Variants in GRIA3 observed in about 807,000 individuals in gnomAD.
GRIA3 encodes the protein glutamate receptor 3.
Under a neutral mutation model 63.0 loss-of-function variants are expected in GRIA3, and 3 were observed. That is an observed-to-expected ratio of 0.05 (90% CI 0.02 to 0.12). GRIA3 has a LOEUF of 0.12. GRIA3 is among the 10% of genes least tolerant of loss of function. The pLI, the probability that GRIA3 is intolerant of heterozygous loss-of-function variation, is 1.00. For missense variants in GRIA3, 347 were observed against 700.9 expected, an observed-to-expected ratio of 0.50 and a Z score of 5.70; for synonymous variants, 274 against 257.9, an observed-to-expected ratio of 1.06 and a Z score of -0.60.
intron 2 of GRIA3, among the ~76,000 whole-genome samples, chrX:123,224,434 C>T (rs2147267022): frequency 8.9e-6 from 1 of 111,814 alleles, no homozygotes; most frequent in African/African-American, 3.2e-5. Flanking sequence ...TCTATTATTT[C>T]AGTCGCTACA....
chrX:123,484,916 T>C (rs929077442), intron 15 of GRIA3, among the ~76,000 whole-genome samples: 1 of 112,925 alleles, frequency 8.9e-6, no homozygotes, highest in Non-Finnish European at 1.9e-5. Flanking sequence ...AGTTGCTGGT[T>C]GTTCCTTCTT....
In GRIA3 at chrX:123,435,056, AC is replaced by A. The variant is rs929654805; in HGVS notation, c.2076+6919del. 2.7e-5 allele frequency among the ~76,000 whole-genome samples: 3 copies of A among 112,334 alleles called. No individual in the cohort carries two copies. The Admixed American group carries it at 2.8e-4, about 11-fold the overall frequency. On this transcript the variant is annotated intron_variant, in intron 12 of 15. Transcript: ENST00000620443. ...ATCTTTTGCCAAATTACCTGAAAAT[AC>A]CTAGACAGGCTTTTTCACCATATTT... is the stretch of plus-strand genomic sequence containing the variant.
intron 4 of GRIA3, among the ~76,000 whole-genome samples, chrX:123,342,872 T>C (rs1170236568): frequency 9.0e-6 from 1 of 111,508 alleles, no homozygotes; most frequent in East Asian, 2.8e-4. Flanking sequence ...ATAATAATGG[T>C]AGGTACTCAG....
chrX:123,197,306 C>T (rs1391502111), intron 2 of GRIA3, among the ~76,000 whole-genome samples: 1 of 111,987 alleles, frequency 8.9e-6, no homozygotes, highest in African/African-American at 3.3e-5. Context: ...CCGGAGATCA[C>T]CTGAGGTCAG....
chrX:123,299,635 C>T (rs1011622305), intron 3 of GRIA3, among the ~76,000 whole-genome samples: 2 of 111,358 alleles, frequency 1.8e-5, no homozygotes, highest in East Asian at 2.8e-4. Context: ...GGGGCTGAGA[C>T]TATGGAATTT....
chrX:123,185,696 C>T, intron 1 of GRIA3, 136 bp from the exon 2 acceptor site: 1 of 544,089 alleles, frequency 1.8e-6, no homozygotes, highest in Non-Finnish European at 3.2e-6. Context: ...TTGAAAGACA[C>T]ACAGGTTGAA....
intron 2 of GRIA3, among the ~76,000 whole-genome samples, chrX:123,199,598 T>C (rs762975650): frequency 9.0e-6 from 1 of 111,695 alleles, no homozygotes; most frequent in Non-Finnish European, 1.9e-5. Context: ...TTTCCAACTT[T>C]TGGCACTTCT....
intron 3 of GRIA3, among the ~76,000 whole-genome samples, chrX:123,279,402 T>G (rs984461060): frequency 8.9e-6 from 1 of 111,825 alleles, no homozygotes; most frequent in Non-Finnish European, 1.9e-5. Context: ...AATAATAAAT[T>G]TGTTAATTAG....
chrX:123,354,884 A>G (rs1429923121), intron 4 of GRIA3, 26 bp from the exon 5 acceptor site: 3 of 1,129,724 alleles, frequency 2.7e-6, no homozygotes, highest in African/African-American at 3.6e-5. Flanking sequence ...TGAATAAGCA[A>G]TATGTCTTAT....
chrX:123,198,246 C>T (rs1485515608), intron 2 of GRIA3, among the ~76,000 whole-genome samples: 1 of 111,960 alleles, frequency 8.9e-6, no homozygotes, highest in Non-Finnish European at 1.9e-5. Flanking sequence ...GCAAGAGCTA[C>T]TAAATGCATT....
At chrX:123,382,171 A>T (rs1176557949) in intron 5 of GRIA3, among the ~76,000 whole-genome samples, 1 of 112,034 alleles carries the variant, frequency 8.9e-6, no homozygotes, top group Non-Finnish European at 1.9e-5. Flanking sequence ...ATCTCCCTAA[A>T]CACCTGTTAC....
At chrX:123,356,148 A>C (rs939046542) in intron 5 of GRIA3, among the ~76,000 whole-genome samples, 4 of 112,147 alleles carry the variant, frequency 3.6e-5, no homozygotes, top group Non-Finnish European at 7.5e-5. Context: ...AATGGAGGTT[A>C]AACTGTGGCT....
chrX:123,487,827 C>A (rs2045949785), intron 15 of GRIA3, among the ~76,000 whole-genome samples: 1 of 112,164 alleles, frequency 8.9e-6, no homozygotes, highest in South Asian at 3.7e-4. Context: ...TTCTACCATC[C>A]TTGGATGCTT....
At chrX:123,343,120 A>AT (rs2045019420) in intron 4 of GRIA3, among the ~76,000 whole-genome samples, 1 of 111,858 alleles carries the variant, frequency 8.9e-6, no homozygotes, top group South Asian at 3.8e-4. Context: ...AACAATGCCT[A>AT]CCTTAAAGGA....
chrX:123,272,087 G>T (rs769295430), intron 3 of GRIA3, among the ~76,000 whole-genome samples: 1 of 111,624 alleles, frequency 9.0e-6, no homozygotes, highest in Non-Finnish European at 1.9e-5. Context: ...CCAGCAGAGA[G>T]AACTCAGGGA....
intron 2 of GRIA3, among the ~76,000 whole-genome samples, chrX:123,193,279 C>T (rs1170545735): frequency 9.0e-6 from 1 of 110,561 alleles, no homozygotes; most frequent in Non-Finnish European, 1.9e-5. Context: ...TCTTGCCATA[C>T]CCCAAAGTGC....
At chrX:123,416,532 G>A (rs1178597524) in intron 10 of GRIA3, among the ~76,000 whole-genome samples, 1 of 112,524 alleles carries the variant, frequency 8.9e-6, no homozygotes, top group Non-Finnish European at 1.9e-5. Flanking sequence ...AAATCCTAGT[G>A]CCTATTTTCA....
chrX:123,363,754 T>C, intron 5 of GRIA3, among the ~76,000 whole-genome samples: 1 of 112,808 alleles, frequency 8.9e-6, no homozygotes, highest in East Asian at 2.8e-4. Context: ...GTGCAATTTA[T>C]GAAATATAGC....
intron 5 of GRIA3, among the ~76,000 whole-genome samples, chrX:123,378,496 C>T (rs929074178): frequency 2.8e-5 from 3 of 108,229 alleles, no homozygotes; most frequent in African/African-American, 6.8e-5. Context: ...CTACAACCTC[C>T]GCCTCCTGGG....
Sources: gnomAD v4.1 joint callset for allele counts (sites outside exome capture counted in the v4.1 genomes callset) on GRCh38, gnomAD v4.1.1 for gene constraint, MANE v1.5 for transcripts, NCBI Gene and HGNC (gene_info 2026-07-23, HGNC 2026-07-21) for gene names.